Variants in ADGRL2 observed in about 807,000 individuals in gnomAD.
The protein encoded by ADGRL2 is adhesion G protein-coupled receptor L2.
Under a neutral mutation model 157.4 loss-of-function variants are expected in ADGRL2, and 44 were observed. The ratio of observed to expected loss-of-function variants is 0.28; its 90% confidence interval spans 0.22 to 0.36. The LOEUF is 0.36. Ranked by LOEUF, ADGRL2 falls within the 10% of genes least tolerant of loss-of-function variation. ADGRL2 has a pLI of 1.00. For synonymous variants in ADGRL2, 585 were observed against 624.7 expected (o/e 0.94, Z 0.95); for missense variants, 1,510 against 1,768.9 (o/e 0.85, Z 2.63).
At chr1:81,609,199 C>T (rs549587820) in intron 3 of ADGRL2, among the ~76,000 whole-genome samples, 2 of 152,174 alleles carry the variant, frequency 1.3e-5, no homozygotes, top group East Asian at 1.9e-4. Flanking sequence ...GCCACCACAC[C>T]TGGCTAATTT....
At chr1:81,941,115 A>G (rs1352923) in intron 4 of ADGRL2, among the ~76,000 whole-genome samples, 1 of 151,406 alleles carries the variant, frequency 6.6e-6, no homozygotes, top group Non-Finnish European at 1.5e-5. Context: ...TAATCTAACC[A>G]TAATTCTTTC....
intron 3 of ADGRL2, among the ~76,000 whole-genome samples, chr1:81,655,739 ATCT>A (rs1306178138): frequency 6.6e-6 from 1 of 151,754 alleles, no homozygotes; most frequent in Non-Finnish European, 1.5e-5. Context: ...ACCATCCTTG[ATCT>A]TCTTTTTCTC....
chr1:81,905,472 C>T (rs2094567108), intron 2 of ADGRL2, among the ~76,000 whole-genome samples: 1 of 152,166 alleles, frequency 6.6e-6, no homozygotes, highest in East Asian at 1.9e-4. Context: ...CGGTAACACA[C>T]TCAACTATGC....
chr1:81,805,946 G>T (rs1372110273), intron 1 of ADGRL2, among the ~76,000 whole-genome samples: 1 of 152,046 alleles, frequency 6.6e-6, no homozygotes, highest in Non-Finnish European at 1.5e-5. Flanking sequence ...AAAATGTAGT[G>T]AAAAGAAGAT....
chr1:81,410,206 C>T (rs1334352560), intron 1 of ADGRL2, among the ~76,000 whole-genome samples: 1 of 152,174 alleles, frequency 6.6e-6, no homozygotes, highest in Non-Finnish European at 1.5e-5. Flanking sequence ...AATTAGCATT[C>T]TGCCATTCTT....
At chr1:81,621,965 G>A (rs1392203942) in intron 3 of ADGRL2, among the ~76,000 whole-genome samples, 3 of 152,144 alleles carry the variant, frequency 2.0e-5, no homozygotes, top group East Asian at 3.9e-4. Context: ...TTGCAATAAT[G>A]AGTGGTTCCA....
intron 3 of ADGRL2, among the ~76,000 whole-genome samples, chr1:81,632,716 G>A (rs2082036831): frequency 6.6e-6 from 1 of 150,856 alleles, no homozygotes; most frequent in East Asian, 2.0e-4. Context: ...CCGAGATCGT[G>A]CCACTGCACT....
Position 81,502,471 on chromosome 1 carries a change from GA to G in ADGRL2, c.-248+57384del. On this transcript the variant is annotated intron_variant, in intron 2 of 24. Transcript: ENST00000370721. ...TGGATGACCTCTTCGTCTTTATGCA[GA>G]AGAGGCGGACCCCCATCAACCGAAT... 3.1e-6 allele frequency: 5 copies of G among 1,614,032 alleles called. No homozygotes were observed. In the South Asian group the frequency reaches 5.5e-5, roughly 18 times the overall value.
chr1:81,660,756 T>C (rs1038157094), intron 3 of ADGRL2, among the ~76,000 whole-genome samples: 1 of 152,214 alleles, frequency 6.6e-6, no homozygotes, highest in Non-Finnish European at 1.5e-5. Flanking sequence ...GATGTCTTAT[T>C]CTATTTTCTC....
intron 17 of ADGRL2, among the ~76,000 whole-genome samples, chr1:81,975,953 T>C (rs1199348214): frequency 6.6e-6 from 1 of 152,034 alleles, no homozygotes; most frequent in Non-Finnish European, 1.5e-5. Context: ...CTGAAAAAGA[T>C]TGCAGCAACA....
chr1:81,730,451 G>A (rs180774768), intron 1 of ADGRL2, among the ~76,000 whole-genome samples: 24 of 152,194 alleles, frequency 1.6e-4, no homozygotes, highest in African/African-American at 4.3e-4. Flanking sequence ...GTGCAGGGCC[G>A]GGCACAGTGG....
Position 81,517,026 on chromosome 1 carries a change from A to G in ADGRL2, c.-247-63850A>G, listed in dbSNP as rs548034881. Among the ~76,000 whole-genome samples, 4 of 152,296 alleles carry G rather than the reference A, an allele frequency of 2.6e-5. No individual in the cohort carries two copies. The East Asian group carries it at 7.7e-4, about 29-fold the overall frequency. On this transcript the variant is annotated intron_variant, in intron 2 of 24. Transcript: ENST00000370721. ...ACTGAAGGCTATTTTAAATGCCTTT[A>G]GCCCATTTCAGCCAGAGGTCATATT...
At chr1:81,361,499 C>T (rs932053180) in intron 1 of ADGRL2, among the ~76,000 whole-genome samples, 1 of 151,816 alleles carries the variant, frequency 6.6e-6, no homozygotes, top group African/African-American at 2.4e-5. Context: ...TGAGGAAGTC[C>T]TTAAGTAAGT....
chr1:81,401,062 C>A (rs553401836), intron 1 of ADGRL2, among the ~76,000 whole-genome samples: 1 of 152,164 alleles, frequency 6.6e-6, no homozygotes, highest in South Asian at 2.1e-4. Flanking sequence ...AGGCAGGATG[C>A]GACTTCAGCT....
intron 1 of ADGRL2, among the ~76,000 whole-genome samples, chr1:81,391,647 C>A (rs2076562348): frequency 7.0e-6 from 1 of 143,858 alleles, no homozygotes; most frequent in African/African-American, 2.5e-5. Context: ...GAGGTTTATC[C>A]TTGCAAATGT....
intron 3 of ADGRL2, among the ~76,000 whole-genome samples, chr1:81,637,104 A>G (rs2082129860): frequency 6.6e-6 from 1 of 152,140 alleles, no homozygotes; most frequent in South Asian, 2.1e-4. Context: ...TCAGCCTCCC[A>G]AAGTGCTGGG....
rs989868134 is a variant in ADGRL2, at chr1:81,331,574, G to A, written c.-302+25065G>A. Among the ~76,000 whole-genome samples, 5 of 152,090 alleles carry A rather than the reference G, an allele frequency of 3.3e-5. 1 individual carries two copies. The highest frequency in any genetic ancestry group is 6.6e-5 in the Admixed American group (1 of 15,264). ...TATAAATAATAAACTTTACTCCCTC[G>A]CTACTGGAAAATGATGTTTGACATT... On this transcript the variant is annotated intron_variant, in intron 1 of 24. Transcript: ENST00000370721.
At chr1:81,665,958 C>T (rs927042823) in intron 3 of ADGRL2, among the ~76,000 whole-genome samples, 3 of 152,120 alleles carry the variant, frequency 2.0e-5, no homozygotes, top group Non-Finnish European at 4.4e-5. Context: ...CATGTGTCTT[C>T]TTCCAATCAG....
intron 2 of ADGRL2, among the ~76,000 whole-genome samples, chr1:81,890,190 G>A (rs865851251): frequency 7.9e-5 from 12 of 152,278 alleles, no homozygotes; most frequent in Middle Eastern, 3.4e-3. Context: ...TATAGGAGAA[G>A]CAGAGCAGAT....
Sources: gnomAD v4.1 joint callset for allele counts (sites outside exome capture counted in the v4.1 genomes callset) on GRCh38, gnomAD v4.1.1 for gene constraint, MANE v1.5 for transcripts, NCBI Gene and HGNC (gene_info 2026-07-23, HGNC 2026-07-21) for gene names.